The following RERE variants were observed in gnomAD, a reference collection of about 807,000 sequenced individuals.
The protein encoded by RERE is arginine-glutamic acid dipeptide repeats.
RERE carries 40 observed loss-of-function variants against 146.1 expected under a neutral mutation model. The ratio of observed to expected loss-of-function variants is 0.27; its 90% CI spans 0.21 to 0.36. The LOEUF (loss-of-function observed/expected upper bound fraction) is 0.36, where lower values mean the gene tolerates loss of function less well. Ranked by LOEUF, RERE falls within the 10% of genes least tolerant of loss-of-function variation. The pLI is 1.00. For missense variants in RERE, 1,933 were observed against 2,138.7 expected (o/e 0.90, Z 1.90); for synonymous variants, 1,003 against 866.0 (o/e 1.16, Z -2.78).
intron 1 of RERE, among the ~76,000 whole-genome samples, chr1:8,788,362 GTT>G (rs372484015): frequency 3.0e-5 from 4 of 134,776 alleles, no homozygotes; most frequent in Non-Finnish European, 3.2e-5. Flanking sequence ...TTATCAAGGA[GTT>G]TTTTTTTTTT....
At chr1:8,398,786 A>C (rs1458957959) in intron 12 of RERE, among the ~76,000 whole-genome samples, 1 of 152,176 alleles carries the variant, frequency 6.6e-6, no homozygotes, top group East Asian at 1.9e-4. Flanking sequence ...GGGCCTTGCT[A>C]TACATCGAAA....
intron 1 of RERE, among the ~76,000 whole-genome samples, chr1:8,686,528 T>C (rs1639089494): frequency 6.6e-6 from 1 of 152,078 alleles, no homozygotes; most frequent in East Asian, 1.9e-4. Flanking sequence ...GGCGGGTGGA[T>C]CACCTGAGGT....
At chr1:8,443,131 A>T (rs1301051868) in intron 11 of RERE, among the ~76,000 whole-genome samples, 1 of 152,232 alleles carries the variant, frequency 6.6e-6, no homozygotes, top group Non-Finnish European at 1.5e-5. Context: ...AGAGCAAAGA[A>T]GTTTGGAACA....
At chr1:8,420,145 G>A (rs59668045) in intron 12 of RERE, among the ~76,000 whole-genome samples, 1 of 152,132 alleles carries the variant, frequency 6.6e-6, no homozygotes, top group Non-Finnish European at 1.5e-5. Flanking sequence ...GAATAACAAA[G>A]AAATGAGTTA....
In RERE at chr1:8,364,886, T is replaced by C; in HGVS notation, c.1448-48A>G. ...GGGGGTGGGGGAGACACCATCATGC[T>C]CAGCCAAGGCTGGGCCGGTGGGGTG... On this transcript the variant is annotated intron_variant, in intron 13 of 22. Transcript: ENST00000400908. This position sits in a 1 kb window ranked among gnomAD's most constrained non-coding sequence, Gnocchi z 5.1. 1 of 360,366 alleles carries C rather than the reference T, an allele frequency of 2.8e-6. No individual in the cohort carries two copies. The highest frequency in any genetic ancestry group is 5.1e-6 in the Non-Finnish European group (1 of 197,220). The allele number at this position is 360,366 out of a possible 1,614,324, so 22.3% of individuals were successfully genotyped here.
intron 11 of RERE, among the ~76,000 whole-genome samples, chr1:8,448,742 T>C (rs1644354980): frequency 1.3e-5 from 2 of 151,928 alleles, no homozygotes; most frequent in South Asian, 4.2e-4. Flanking sequence ...GGCAGTAGAA[T>C]CTCTTGAACC....
Position 8,614,681 on chromosome 1 carries a change from G to A in RERE, c.402C>T (p.His134=). 3.1e-6 allele frequency: 5 copies of A among 1,607,728 alleles called. No individual in the cohort carries two copies. Among genetic ancestry groups the A allele is most frequent in the African/African-American group, 1.3e-5 (1 of 74,694 alleles). Residue 134 remains histidine, a synonymous_variant, in exon 4 of 23, where the codon CAC becomes CAT. Coordinates refer to ENST00000400908, the MANE Select transcript of RERE (RefSeq NM_001042681.2). Reference sequence around the variant, plus strand: ...GAGATCTGCAACAGGCCTGGGAGTTGTGGACCTAAAAAAGAAAACAGTTTT... The same window carrying A: ...GAGATCTGCAACAGGCCTGGGAGTTATGGACCTAAAAAAGAAAACAGTTTT... The part of the protein sequence containing the change: ...ICSIQDFKLV[H]NSQACCRSPT...
intron 12 of RERE, among the ~76,000 whole-genome samples, chr1:8,382,442 G>T (rs1369194613): frequency 6.6e-6 from 1 of 152,276 alleles, no homozygotes; most frequent in East Asian, 1.9e-4. Flanking sequence ...AGCCACGTGC[G>T]CATGCGTGCG....
intron 11 of RERE, among the ~76,000 whole-genome samples, chr1:8,457,853 C>A (rs975284257): frequency 6.6e-6 from 1 of 151,996 alleles, no homozygotes; most frequent in Non-Finnish European, 1.5e-5. Context: ...TCCCTGCCTC[C>A]GCCTCCCAAA....
chr1:8,767,892 G>A (rs761418190), intron 1 of RERE, among the ~76,000 whole-genome samples: 1 of 152,094 alleles, frequency 6.6e-6, no homozygotes, highest in South Asian at 2.1e-4. Flanking sequence ...CTTGAACCTA[G>A]GAGGCGGAGG....
intron 2 of RERE, among the ~76,000 whole-genome samples, chr1:8,644,753 C>A (rs983886732): frequency 1.3e-5 from 2 of 152,114 alleles, no homozygotes; most frequent in Admixed American, 1.3e-4. Flanking sequence ...AACTCAGTCT[C>A]CTGAGGAGCT....
chr1:8,435,139 A>T (rs1439593553), intron 11 of RERE, among the ~76,000 whole-genome samples: 1 of 152,264 alleles, frequency 6.6e-6, no homozygotes, highest in African/African-American at 2.4e-5. Flanking sequence ...TAAGCAAACA[A>T]ATAAGCAATC....
intron 1 of RERE, among the ~76,000 whole-genome samples, chr1:8,732,418 T>C (rs1054771685): frequency 3.3e-5 from 5 of 152,206 alleles, no homozygotes; most frequent in African/African-American, 1.2e-4. Context: ...ACCATAGAAC[T>C]TTCTTTAAAA....
chr1:8,601,017 CTTTTT>C (rs34455445), intron 4 of RERE, among the ~76,000 whole-genome samples: 15 of 95,072 alleles, frequency 1.6e-4, no homozygotes, highest in African/African-American at 5.5e-4. Flanking sequence ...GTCTCCCAAA[CTTTTT>C]TTTTTTTTTT....
At position 8,485,796 on chromosome 1, in the gene RERE, C is replaced by CT. The variant is rs58295004; in HGVS notation, c.1104+9266dup. Among the ~76,000 whole-genome samples the CT allele has an allele frequency of 1.5e-3, 181 of 117,814 alleles. No homozygotes were observed. The Middle Eastern group carries it at 0.021, about 14-fold the overall frequency. 77.3% of individuals were successfully genotyped at this position (117,814 alleles called of 152,430 possible). A position where few individuals can be genotyped will look rare whatever the true frequency, so the allele number is the denominator to read the frequency against. ...GGAGAAACAACCAACTCTACAATCACTTTTTTTTTTTTTTTTTTTTGGAGA... is the reference window on the plus strand; with the variant it reads ...GGAGAAACAACCAACTCTACAATCACTTTTTTTTTTTTTTTTTTTTTGGAGA... On this transcript the variant is annotated intron_variant, in intron 10 of 22. Transcript: ENST00000400908.
At chr1:8,497,063 G>A (rs1645055837) in intron 9 of RERE, among the ~76,000 whole-genome samples, 1 of 152,098 alleles carries the variant, frequency 6.6e-6, no homozygotes, top group Admixed American at 6.5e-5. Flanking sequence ...CCTCTGTAGT[G>A]GGGTTTTCAG....
At chr1:8,441,950 T>TTTTTTTTTTTTTTGA (rs1295131605) in intron 11 of RERE, among the ~76,000 whole-genome samples, 1 of 151,598 alleles carries the variant, frequency 6.6e-6, no homozygotes, top group Non-Finnish European at 1.5e-5. Flanking sequence ...CACTTTTTGT[T>TTTTTTTTTTTTTTGA]GCAGGGAAGT....
At chr1:8,550,196 A>G (rs1645916833) in intron 6 of RERE, among the ~76,000 whole-genome samples, 1 of 152,232 alleles carries the variant, frequency 6.6e-6, no homozygotes, top group African/African-American at 2.4e-5. Context: ...CAAATAAAAG[A>G]AAGTTTTTCA....
chr1:8,678,559 G>C (rs949093414), intron 1 of RERE, among the ~76,000 whole-genome samples: 2 of 152,042 alleles, frequency 1.3e-5, no homozygotes, highest in South Asian at 2.1e-4. Flanking sequence ...TGAGGCAGGA[G>C]AATCAGGAAC....
Sources: gnomAD v4.1 joint callset for allele counts (sites outside exome capture counted in the v4.1 genomes callset) on GRCh38, gnomAD v4.1.1 for gene constraint, Gnocchi (gnomAD v3.1) non-coding constraint, MANE v1.5 for transcripts, NCBI Gene and HGNC (gene_info 2026-07-23, HGNC 2026-07-21) for gene names.